Variants in INPP5A observed in about 807,000 individuals in gnomAD.
INPP5A encodes the protein inositol polyphosphate-5-phosphatase A, also known as 43 kDa inositol polyphosphate 5-phophatase.
In INPP5A, 14 loss-of-function variants were observed where a neutral mutation model predicts 65.2. That is an observed-to-expected ratio of 0.21 (90% CI 0.14 to 0.34). The LOEUF is 0.34. Among genes scored for constraint, INPP5A ranks in the 10% least tolerant of loss-of-function variants. The probability of loss-of-function intolerance (pLI) is 1.00; values close to 1 mark genes in which losing one functional copy is unlikely to be tolerated. For missense variants in INPP5A, 431 were observed against 545.6 expected (o/e 0.79, Z 2.09); for synonymous variants, 207 against 208.3 (o/e 0.99, Z 0.05).
At chr10:132,606,063 C>G (rs530250098) in intron 1 of INPP5A, among the ~76,000 whole-genome samples, 1 of 152,220 alleles carries the variant, frequency 6.6e-6, no homozygotes, top group East Asian at 1.9e-4. Flanking sequence ...ACACAGTGAA[C>G]GGTGTGTCCA....
At chr10:132,690,554 C>A in intron 5 of INPP5A, 99 bp downstream of exon 5, 1 of 879,364 alleles carries the variant, frequency 1.1e-6, no homozygotes, top group South Asian at 1.4e-5. Flanking sequence ...TGTGAGTGGC[C>A]ACTGTGGGCT....
intron 2 of INPP5A, among the ~76,000 whole-genome samples, chr10:132,624,521 G>A (rs933205375): frequency 6.7e-6 from 1 of 148,678 alleles, no homozygotes. Context: ...CACTTCCACC[G>A]GCGTGTCTGC....
At chr10:132,601,072 C>G (rs2485639) in intron 1 of INPP5A, among the ~76,000 whole-genome samples, 2 of 152,064 alleles carry the variant, frequency 1.3e-5, no homozygotes, top group African/African-American at 2.4e-5. Context: ...TTCTTCATAG[C>G]GATGGCACCA....
intron 8 of INPP5A, among the ~76,000 whole-genome samples, chr10:132,721,678 A>G (rs577452336): frequency 3.6e-4 from 40 of 112,444 alleles, no homozygotes; most frequent in Admixed American, 4.5e-4. Flanking sequence ...CACCTTAGAC[A>G]GCTGTCTTGC....
chr10:132,589,497 C>G (rs975833407), intron 1 of INPP5A, among the ~76,000 whole-genome samples: 20 of 152,268 alleles, frequency 1.3e-4, no homozygotes, highest in African/African-American at 4.8e-4. Context: ...TGTCCTTCCT[C>G]AGGCCCCACT....
In INPP5A at chr10:132,651,484, C is replaced by T. The variant is rs1391203540; in HGVS notation, c.306+979C>T. 6.8e-6 allele frequency among the ~76,000 whole-genome samples: 1 copy of T among 147,302 alleles called. No individual in the cohort carries two copies. Among genetic ancestry groups the T allele is most frequent in the African/African-American group, 2.5e-5 (1 of 39,806 alleles). On this transcript the variant is annotated intron_variant, in intron 4 of 15. Transcript: ENST00000368594. This position sits in a 1 kb window ranked among gnomAD's most constrained non-coding sequence, Gnocchi z 5.0. The stretch of plus-strand genomic sequence containing the variant: ...CGGCTTGGGTCCATCTCCCCCATCT[C>T]TGGGGAGGCCCTGGGTCCCCCGGCC...
At chr10:132,629,035 T>A (rs1332992190) in intron 2 of INPP5A, among the ~76,000 whole-genome samples, 1 of 152,362 alleles carries the variant, frequency 6.6e-6, no homozygotes, top group East Asian at 1.9e-4. Context: ...GCCGCACAGA[T>A]GGCAGGAGCG....
intron 12 of INPP5A, among the ~76,000 whole-genome samples, chr10:132,773,768 C>T (rs557451590): frequency 7.2e-5 from 11 of 152,246 alleles, no homozygotes; most frequent in South Asian, 4.1e-4. Flanking sequence ...GAGATACGGG[C>T]GAGGGGAGCA....
chr10:132,677,011 T>C (rs112256871), intron 4 of INPP5A, among the ~76,000 whole-genome samples: 5 of 85,084 alleles, frequency 5.9e-5, no homozygotes, highest in Admixed American at 3.5e-4. Flanking sequence ...TCCTGAACTG[T>C]AGACCCACAG....
chr10:132,541,190 C>T (rs1227677450), intron 1 of INPP5A, among the ~76,000 whole-genome samples: 1 of 152,172 alleles, frequency 6.6e-6, no homozygotes, highest in Non-Finnish European at 1.5e-5. Flanking sequence ...GTTGTCCGGG[C>T]TGGTCTGGAA....
At chr10:132,590,714 C>A (rs1050288520) in intron 1 of INPP5A, among the ~76,000 whole-genome samples, 1 of 152,188 alleles carries the variant, frequency 6.6e-6, no homozygotes, top group East Asian at 1.9e-4. Context: ...GGGCCACGTG[C>A]CGTCTTTGGA....
chr10:132,654,050 C>G (rs2072617227), intron 4 of INPP5A, among the ~76,000 whole-genome samples: 1 of 152,270 alleles, frequency 6.6e-6, no homozygotes, highest in African/African-American at 2.4e-5. Flanking sequence ...AACAGGCCAC[C>G]CAGAGGCAGC....
intron 8 of INPP5A, among the ~76,000 whole-genome samples, chr10:132,719,871 C>T (rs1014238373): frequency 3.4e-5 from 5 of 148,314 alleles, no homozygotes; most frequent in African/African-American, 7.5e-5. Context: ...TCTGTCTGGG[C>T]GCCTTAGACG....
rs199756976 is a variant in INPP5A at position 132,710,488 on chromosome 10, G to A, written c.647+32G>A. ...GTGGGCGGGCAGGTAGGCGTGGGCC[G>A]GGCAAGTAGGTGTGCTGGGCAGGCA... On this transcript the variant is annotated intron_variant, in intron 8 of 15. Transcript: ENST00000368594. The A allele has an allele frequency of 1.8e-4, 285 of 1,604,012 alleles. 2 individuals carry two copies. In the East Asian group the frequency reaches 3.6e-3, roughly 20 times the overall value.
intron 9 of INPP5A, among the ~76,000 whole-genome samples, chr10:132,736,265 C>T (rs1301818295): frequency 2.0e-5 from 3 of 152,220 alleles, no homozygotes; most frequent in East Asian, 1.9e-4. Context: ...CTCAGCTGGC[C>T]GTGGTGACAA....
intron 3 of INPP5A, among the ~76,000 whole-genome samples, chr10:132,648,277 GT>G (rs1250902089): frequency 6.6e-6 from 1 of 152,264 alleles, no homozygotes; most frequent in African/African-American, 2.4e-5. Flanking sequence ...ATGCCGCCGT[GT>G]TTGGTGTGAG....
At chr10:132,625,112 C>T (rs1362909737) in intron 2 of INPP5A, among the ~76,000 whole-genome samples, 1 of 123,904 alleles carries the variant, frequency 8.1e-6, no homozygotes, top group Non-Finnish European at 1.7e-5. Context: ...TCTCTCCCTC[C>T]CCCCTCCCCC....
intron 4 of INPP5A, among the ~76,000 whole-genome samples, chr10:132,652,063 C>T (rs990895495): frequency 6.6e-6 from 1 of 152,200 alleles, no homozygotes; most frequent in Non-Finnish European, 1.5e-5. Context: ...CCCTTGGTCC[C>T]TCCTCCCTAC....
chr10:132,754,072 C>T (rs1329063316), intron 11 of INPP5A: 1 of 152,026 alleles, frequency 6.6e-6, no homozygotes, highest in African/African-American at 2.4e-5. Context: ...GCAACAGCCC[C>T]CATGCCAGCC....
Sources: allele counts gnomAD v4.1 joint callset (sites outside exome capture counted in the v4.1 genomes callset), GRCh38; gene constraint gnomAD v4.1.1; non-coding constraint Gnocchi (gnomAD v3.1); transcripts MANE v1.5; gene names NCBI Gene and HGNC (gene_info 2026-07-23, HGNC 2026-07-21).